The following TSNAX variants were observed in gnomAD, a reference collection of about 807,000 sequenced individuals.
The protein encoded by TSNAX is translin associated factor X, also known as translin-associated protein X.
TSNAX carries 12 observed loss-of-function variants against 33.0 expected under a neutral mutation model. The observed-to-expected ratio is 0.36, with a 90% confidence interval of 0.23 to 0.59. The LOEUF is 0.59. TSNAX is among the 20% of genes least tolerant of loss of function. The pLI is 0.74. For synonymous variants in TSNAX, 110 were observed against 117.2 expected, an observed-to-expected ratio of 0.94 and a Z score of 0.40; for missense variants, 267 against 341.3, an observed-to-expected ratio of 0.78 and a Z score of 1.72.
At chr1:231,555,620 A>G (rs1660637408) in intron 4 of TSNAX, among the ~76,000 whole-genome samples, 1 of 152,224 alleles carries the variant, frequency 6.6e-6, no homozygotes, top group Non-Finnish European at 1.5e-5. Context: ...GAAACTGCTA[A>G]TTTTTAAAAA....
At chr1:231,537,108 G>T in intron 2 of TSNAX, 105 bp from the exon 3 acceptor site, 2 of 776,606 alleles carry the variant, frequency 2.6e-6, no homozygotes, top group Admixed American at 2.7e-5. Flanking sequence ...TGAGATTACA[G>T]GCGTGAGCCA....
At chr1:231,543,626 G>A (rs1404932297) in intron 4 of TSNAX, among the ~76,000 whole-genome samples, 2 of 152,152 alleles carry the variant, frequency 1.3e-5, no homozygotes, top group Non-Finnish European at 1.5e-5. Context: ...CGAATACCCA[G>A]TTTTAGCCTA....
Position 231,530,179 on chromosome 1 carries a change from A to G in TSNAX, c.121+820A>G, listed in dbSNP as rs115749657. Among the ~76,000 whole-genome samples the G allele has an allele frequency of 1.9e-3, 285 of 152,372 alleles. 1 individual carries two copies. The highest frequency in any genetic ancestry group is 6.5e-3 in the African/African-American group (272 of 41,590). ...ACCACAATCTCTATGTCCTAATCTC[A>G]GACATCAGACACTGTCATTTTTGTC... On this transcript the variant is annotated intron_variant, in intron 2 of 5. Transcript: ENST00000366639.
At chr1:231,529,940 G>T (rs1459272467) in intron 2 of TSNAX, among the ~76,000 whole-genome samples, 2 of 152,200 alleles carry the variant, frequency 1.3e-5, no homozygotes, top group Non-Finnish European at 2.9e-5. Flanking sequence ...TGTGATTAAG[G>T]AATCTGGGAA....
intron 4 of TSNAX, among the ~76,000 whole-genome samples, chr1:231,544,121 G>A (rs527775198): frequency 1.3e-5 from 2 of 152,340 alleles, no homozygotes; most frequent in South Asian, 4.1e-4. Context: ...GTATGCGTGT[G>A]TAATCTTGAG....
At chr1:231,531,697 C>G (rs1298969747) in intron 2 of TSNAX, among the ~76,000 whole-genome samples, 1 of 152,066 alleles carries the variant, frequency 6.6e-6, no homozygotes, top group African/African-American at 2.4e-5. Flanking sequence ...AGTTTAAGTT[C>G]TTGTTTTTTC....
chr1:231,533,688 AGACTT>A (rs1361807853), intron 2 of TSNAX, among the ~76,000 whole-genome samples: 4 of 152,362 alleles, frequency 2.6e-5, no homozygotes, highest in East Asian at 3.9e-4. Flanking sequence ...ATTTCTGTAT[AGACTT>A]GACTTAGATT....
At chr1:231,558,784 T>A (rs74143881) in intron 4 of TSNAX, among the ~76,000 whole-genome samples, 2,406 of 152,222 alleles carry the variant, frequency 0.016, 75 homozygotes, top group African/African-American at 0.055. Flanking sequence ...AAAATATTTT[T>A]AATTATAAAT....
intron 3 of TSNAX, among the ~76,000 whole-genome samples, chr1:231,539,605 A>G (rs1463551981): frequency 2.0e-5 from 3 of 152,226 alleles, no homozygotes; most frequent in Non-Finnish European, 4.4e-5. Context: ...CCAAAAAATA[A>G]ATGCTCATTA....
In TSNAX at chr1:231,561,219, A is replaced by G. The variant is rs1445778412; in HGVS notation, c.459A>G (p.Ile153Met). The change falls in exon 5 of 6, where the codon ATA becomes ATG. Residue 153 changes from isoleucine to methionine, a missense_variant. Coordinates refer to ENST00000366639, the MANE Select transcript of TSNAX (RefSeq NM_005999.3). ...TGGATGAAATTAATAAACAATTGAT[A>G]TTTACGACTGAAGACAATGGGAAAG... ...ISMDEINKQL[I>M]FTTEDNGKEN... 2 of 1,575,806 alleles carry G rather than the reference A, an allele frequency of 1.3e-6. No individual in the cohort carries two copies. Among genetic ancestry groups the G allele is most frequent in the East Asian group, 4.5e-5 (2 of 44,532 alleles).
intron 4 of TSNAX, among the ~76,000 whole-genome samples, chr1:231,548,314 A>T (rs531432474): frequency 6.6e-6 from 1 of 152,364 alleles, no homozygotes; most frequent in Admixed American, 6.5e-5. Context: ...CACTTTACAG[A>T]TGAGAAAATT....
At chr1:231,560,214 C>T (rs959332081) in intron 4 of TSNAX, among the ~76,000 whole-genome samples, 4 of 151,612 alleles carry the variant, frequency 2.6e-5, no homozygotes, top group Non-Finnish European at 4.4e-5. Flanking sequence ...CTCCTGACCT[C>T]GTGATCCACC....
At chr1:231,553,706 G>T (rs1485194461) in intron 4 of TSNAX, among the ~76,000 whole-genome samples, 1 of 134,906 alleles carries the variant, frequency 7.4e-6, no homozygotes, top group African/African-American at 2.8e-5. Flanking sequence ...TTTTCTTTGA[G>T]ATGGAGTTTT....
chr1:231,563,037 A>G (rs1175223919), intron 5 of TSNAX, among the ~76,000 whole-genome samples: 1 of 152,168 alleles, frequency 6.6e-6, no homozygotes, highest in Non-Finnish European at 1.5e-5. Context: ...CAGTGCTAGG[A>G]TTCAAGTATT....
At chr1:231,553,682 CT>C (rs5781656) in intron 4 of TSNAX, among the ~76,000 whole-genome samples, 338 of 133,686 alleles carry the variant, frequency 2.5e-3, no homozygotes, top group Middle Eastern at 0.016. Flanking sequence ...TCTTTCTTTC[CT>C]TTTTTTTTTT....
At chr1:231,552,222 G>A (rs890001879) in intron 4 of TSNAX, among the ~76,000 whole-genome samples, 6 of 152,158 alleles carry the variant, frequency 3.9e-5, no homozygotes, top group African/African-American at 1.4e-4. Context: ...CCAGGTGGCA[G>A]AGGTTGCAGT....
chr1:231,528,970 C>A, intron 1 of TSNAX, 144 bp downstream of exon 1: 1 of 1,112,408 alleles, frequency 9.0e-7, no homozygotes, highest in Non-Finnish European at 1.3e-6. Flanking sequence ...CTCTCCCCGG[C>A]CAGATCGGCC....
chr1:231,541,535 T>G (rs1343844624), intron 3 of TSNAX, among the ~76,000 whole-genome samples: 1 of 152,252 alleles, frequency 6.6e-6, no homozygotes, highest in African/African-American at 2.4e-5. Context: ...TTTCTACTTT[T>G]GTTGTTTCCA....
chr1:231,549,805 C>G (rs1197533325), intron 4 of TSNAX, among the ~76,000 whole-genome samples: 2 of 152,112 alleles, frequency 1.3e-5, no homozygotes, highest in African/African-American at 4.8e-5. Flanking sequence ...TCTCAGAAGC[C>G]AAAGGTGCAC....
Sources: allele counts gnomAD v4.1 joint callset (sites outside exome capture counted in the v4.1 genomes callset), GRCh38; gene constraint gnomAD v4.1.1; transcripts MANE v1.5; gene names NCBI Gene and HGNC (gene_info 2026-07-23, HGNC 2026-07-21).